GPD2: variants seen among roughly 807,000 people sequenced by gnomAD.
The protein encoded by GPD2 is glycerol-3-phosphate dehydrogenase, mitochondrial.
A neutral mutation model predicts 82.4 loss-of-function variants in GPD2; 54 were observed. The observed-to-expected ratio is 0.66, with a 90% confidence interval of 0.53 to 0.82. GPD2 has a LOEUF of 0.82. Ranked by LOEUF, GPD2 falls within the 40% of genes least tolerant of loss-of-function variation. The pLI is 0.00. For synonymous variants in GPD2, 288 were observed against 306.1 expected (o/e 0.94, Z 0.62); for missense variants, 748 against 896.2 (o/e 0.83, Z 2.11).
chr2:156,423,204 A>G, the GPD2 span, among the ~76,000 whole-genome samples: 8 of 152,326 alleles, frequency 5.3e-5, no homozygotes, highest in East Asian at 1.5e-3. Context: ...ATGTTTTCAC[A>G]TATTTTTGTT....
At chr2:156,484,456 A>C (rs1683860922) in intron 2 of GPD2, among the ~76,000 whole-genome samples, 1 of 152,180 alleles carries the variant, frequency 6.6e-6, no homozygotes, top group Non-Finnish European at 1.5e-5. Context: ...AAAAAACCTT[A>C]GGAAATGCTA....
chr2:156,409,791 C>T, the GPD2 span, among the ~76,000 whole-genome samples: 1 of 152,216 alleles, frequency 6.6e-6, no homozygotes, highest in East Asian at 1.9e-4. Flanking sequence ...AACTATTCTC[C>T]AAAGTTAACA....
upstream of GPD2, chr2:156,436,353 C>G (rs999492461): frequency 1.3e-5 from 2 of 152,426 alleles, no homozygotes; most frequent in Non-Finnish European, 1.5e-5. Context: ...GCCCGGCGCT[C>G]GAGTTACACC....
chr2:156,573,668 T>G (rs1224023074), intron 13 of GPD2, among the ~76,000 whole-genome samples: 1 of 152,158 alleles, frequency 6.6e-6, no homozygotes, highest in African/African-American at 2.4e-5. Context: ...TGAACAGATT[T>G]ATGTGCTCAG....
chr2:156,511,194 T>G (rs1573946153), intron 4 of GPD2, among the ~76,000 whole-genome samples: 1 of 152,208 alleles, frequency 6.6e-6, no homozygotes, highest in Admixed American at 6.5e-5. Flanking sequence ...TTAACAATTG[T>G]GTTTGGGTTT....
At chr2:156,498,417 T>C (rs942653551) in intron 3 of GPD2, among the ~76,000 whole-genome samples, 1 of 152,226 alleles carries the variant, frequency 6.6e-6, no homozygotes, top group African/African-American at 2.4e-5. Flanking sequence ...ACTTTACTTA[T>C]GCTGTTTGGC....
At chr2:156,410,411 A>G in the GPD2 span, among the ~76,000 whole-genome samples, 3 of 152,248 alleles carry the variant, frequency 2.0e-5, no homozygotes, top group Non-Finnish European at 2.9e-5. Flanking sequence ...AGGCAATAAC[A>G]TACTTTTATT....
chr2:156,404,771 T>C, the GPD2 span, among the ~76,000 whole-genome samples: 2 of 149,712 alleles, frequency 1.3e-5, no homozygotes, highest in Non-Finnish European at 3.0e-5. Flanking sequence ...GGAGAATCCC[T>C]TGAACCCAGG....
At chr2:156,579,921 A>G in intron 16 of GPD2, 133 bp downstream of exon 16, 1 of 699,592 alleles carries the variant, frequency 1.4e-6, no homozygotes. Flanking sequence ...GAAAGCTCGA[A>G]GCCAGCAGAG....
At chr2:156,464,942 C>T (rs775368345) in intron 1 of GPD2, among the ~76,000 whole-genome samples, 1 of 152,068 alleles carries the variant, frequency 6.6e-6, no homozygotes, top group Non-Finnish European at 1.5e-5. Flanking sequence ...CCTCCACCTC[C>T]TGGGTTCAAG....
intron 1 of GPD2, among the ~76,000 whole-genome samples, chr2:156,446,151 A>G (rs952271161): frequency 2.6e-5 from 4 of 152,162 alleles, no homozygotes; most frequent in African/African-American, 9.7e-5. Flanking sequence ...GGTTGAGTGC[A>G]GTGGGACGAT....
At chr2:156,422,440 A>G in the GPD2 span, among the ~76,000 whole-genome samples, 32 of 152,296 alleles carry the variant, frequency 2.1e-4, no homozygotes, top group Admixed American at 1.4e-3. Flanking sequence ...TTAAAATACT[A>G]TGCAGGCAGG....
At chr2:156,553,132 G>T (rs1224465750) in intron 8 of GPD2, among the ~76,000 whole-genome samples, 3 of 151,810 alleles carry the variant, frequency 2.0e-5, no homozygotes, top group Non-Finnish European at 4.4e-5. Flanking sequence ...CAAGTGATCT[G>T]CCCGCCTCGC....
intron 6 of GPD2, among the ~76,000 whole-genome samples, chr2:156,535,318 C>G (rs1438071781): frequency 8.0e-6 from 1 of 124,910 alleles, no homozygotes; most frequent in Non-Finnish European, 1.7e-5. Flanking sequence ...AGAAAAAGAC[C>G]TGGGAAAGAG....
At chr2:156,479,968 G>T (rs1288553595) in intron 2 of GPD2, among the ~76,000 whole-genome samples, 1 of 152,064 alleles carries the variant, frequency 6.6e-6, no homozygotes, top group East Asian at 1.9e-4. Context: ...AACCCCACTG[G>T]GAATGGAGCA....
rs142608877 is a variant in GPD2, at chr2:156,517,497, T to C, written c.661+4001T>C. On this transcript the variant is annotated intron_variant, in intron 6 of 16. Transcript: ENST00000438166. Reference sequence around the variant, plus strand: ...CCTCCAGTTGTATTTCCTTCTTATATTCTGTTAGAGTAATCATATAGTCAA... The same window carrying C: ...CCTCCAGTTGTATTTCCTTCTTATACTCTGTTAGAGTAATCATATAGTCAA... Among the ~76,000 whole-genome samples, 1,225 of 152,372 alleles carry C rather than the reference T, an allele frequency of 8.0e-3. 5 individuals carry two copies. Among genetic ancestry groups the C allele is most frequent in the Non-Finnish European group, 0.012 (801 of 68,032 alleles).
At chr2:156,439,849 A>AAAATAAATAAATAAAT (rs59142687) in intron 1 of GPD2, among the ~76,000 whole-genome samples, 42,741 of 147,306 alleles carry the variant, frequency 0.29, 7,397 homozygotes, top group Non-Finnish European at 0.39. Flanking sequence ...TCTGTCTCAA[A>AAAATAAATAAATAAAT]AAATAAATAA....
chr2:156,467,136 C>T (rs994498040), intron 1 of GPD2, among the ~76,000 whole-genome samples: 1 of 151,392 alleles, frequency 6.6e-6, no homozygotes, highest in African/African-American at 2.4e-5. Flanking sequence ...TGGAAATACT[C>T]TTCCTCTGCT....
At chr2:156,403,171 T>G in the GPD2 span, among the ~76,000 whole-genome samples, 2 of 150,102 alleles carry the variant, frequency 1.3e-5, no homozygotes, top group Non-Finnish European at 3.0e-5. Context: ...ATGTAAAACA[T>G]TACTAGTGGC....
Sources: gnomAD v4.1 joint callset for allele counts (sites outside exome capture counted in the v4.1 genomes callset) on GRCh38, gnomAD v4.1.1 for gene constraint, MANE v1.5 for transcripts, NCBI Gene and HGNC (gene_info 2026-07-23, HGNC 2026-07-21) for gene names.